The following ABR variants were observed in gnomAD, a reference collection of about 807,000 sequenced individuals.
ABR encodes active breakpoint cluster region-related protein.
In ABR, 35 loss-of-function variants were observed where a neutral mutation model predicts 107.2. The ratio of observed to expected loss-of-function variants is 0.33; its 90% confidence interval spans 0.25 to 0.43. The LOEUF (loss-of-function observed/expected upper bound fraction) is 0.43, where lower values mean the gene tolerates loss of function less well. ABR is among the 20% of genes least tolerant of loss of function. The pLI is 1.00. For missense variants in ABR, 815 were observed against 1,115.2 expected (o/e 0.73, Z 3.83); for synonymous variants, 498 against 462.0 (o/e 1.08, Z -1.00).
At position 1,157,876 on chromosome 17, in the gene ABR, C is replaced by T. The variant is rs991478288; in HGVS notation, c.61+21791G>A. The stretch of plus-strand genomic sequence containing the variant: ...CAGGTCAGCCTAGGAAGGGATCGTG[C>T]AGTTTGGTAGGTCACCTTCTAGAAT... On this transcript the variant is annotated intron_variant, in intron 1 of 22. Coordinates refer to ENST00000302538, the MANE Select transcript of ABR (RefSeq NM_021962.5). This position sits in a 1 kb window ranked among gnomAD's most constrained non-coding sequence, Gnocchi z 4.7. Among the ~76,000 whole-genome samples, 3 of 152,212 alleles carry T rather than the reference C, an allele frequency of 2.0e-5. No homozygotes were observed. The highest frequency in any genetic ancestry group is 4.4e-5 in the Non-Finnish European group (3 of 68,036).
chr17:1,042,276 C>T (rs79166542), intron 16 of ABR, among the ~76,000 whole-genome samples: 9 of 150,484 alleles, frequency 6.0e-5, no homozygotes, highest in Admixed American at 1.3e-4. Context: ...AGACGTGGCA[C>T]CTACATCCGC....
At chr17:1,151,971 G>A (rs553443224) in intron 1 of ABR, among the ~76,000 whole-genome samples, 2 of 149,604 alleles carry the variant, frequency 1.3e-5, no homozygotes, top group South Asian at 2.1e-4. Context: ...TGGCTAACAC[G>A]GGGAAACCCC....
intron 2 of ABR, among the ~76,000 whole-genome samples, chr17:1,101,503 G>A (rs1431553386): frequency 6.6e-6 from 1 of 152,116 alleles, no homozygotes; most frequent in Non-Finnish European, 1.5e-5. Flanking sequence ...ACACACCAGA[G>A]CTGGATTCAA....
At position 1,200,857 on chromosome 17, in the gene ABR, A is replaced by C. The variant is rs2042658533; in HGVS notation, c.838+27936T>G. 6.6e-6 allele frequency among the ~76,000 whole-genome samples: 1 copy of C among 151,814 alleles called. No homozygotes were observed. The highest frequency in any genetic ancestry group is 2.4e-5 in the African/African-American group (1 of 41,332). ...TAACATCCCCAGTAAAAAGCTGAGA[A>C]TTGCTCCTGACAAGGTCCTGGGGCT... On this transcript the variant is annotated intron_variant, in intron 1 of 22. Transcript: ENST00000574139. This position sits in a 1 kb window ranked among gnomAD's most constrained non-coding sequence, Gnocchi z 4.1.
At chr17:1,096,770 C>T (rs1263183467) in intron 3 of ABR, among the ~76,000 whole-genome samples, 4 of 141,406 alleles carry the variant, frequency 2.8e-5, no homozygotes, top group African/African-American at 8.0e-5. Flanking sequence ...GAACCTGCCC[C>T]GGGTGGAGAG....
At position 1,109,676 on chromosome 17, in the gene ABR, T is replaced by C. The variant is rs536163105; in HGVS notation, c.247-8941A>G. Among the ~76,000 whole-genome samples the C allele has an allele frequency of 4.6e-5, 7 of 151,090 alleles. No individual in the cohort carries two copies. In the East Asian group the frequency reaches 6.0e-4, roughly 13 times the overall value. On this transcript the variant is annotated intron_variant, in intron 2 of 22. Coordinates refer to ENST00000302538, the MANE Select transcript of ABR (RefSeq NM_021962.5). ...GAGTCCCCATGCGCCGGAGCCCCCTTCCGGAGGGGAGGCCCCGGCCCGCCC... is the reference window on the plus strand; with the variant it reads ...GAGTCCCCATGCGCCGGAGCCCCCTCCCGGAGGGGAGGCCCCGGCCCGCCC...
At chr17:1,140,420 A>G (rs2040241697) in intron 1 of ABR, among the ~76,000 whole-genome samples, 1 of 151,970 alleles carries the variant, frequency 6.6e-6, no homozygotes, top group Admixed American at 6.6e-5. Context: ...GCAACCCTGA[A>G]CCAGGGAACT....
intron 10 of ABR, among the ~76,000 whole-genome samples, chr17:1,066,758 G>A (rs1028124546): frequency 8.6e-5 from 13 of 151,896 alleles, no homozygotes; most frequent in African/African-American, 3.1e-4. Context: ...CGAACTCCTG[G>A]CCTCAGGTGA....
At chr17:1,013,069 G>A (rs370499754) in intron 17 of ABR, 36 bp downstream of exon 17, 243 of 1,611,248 alleles carry the variant, frequency 1.5e-4, no homozygotes, top group East Asian at 7.1e-4. Context: ...TCCACCTCCC[G>A]GCTCACGCCA....
At chr17:1,105,978 C>T (rs1457575463) in intron 2 of ABR, among the ~76,000 whole-genome samples, 1 of 152,204 alleles carries the variant, frequency 6.6e-6, no homozygotes, top group Non-Finnish European at 1.5e-5. Flanking sequence ...TACAACGCCC[C>T]CGTCACAACC....
At chr17:1,195,569 C>T (rs111442567) in intron 1 of ABR, among the ~76,000 whole-genome samples, 4,865 of 149,808 alleles carry the variant, frequency 0.032, 252 homozygotes, top group African/African-American at 0.11. Flanking sequence ...CTGTGGGAGG[C>T]CGAGGCGGGT....
In ABR at chr17:1,073,587, C is replaced by T. The variant is rs538191320; in HGVS notation, c.753+38G>A. 4.6e-6 allele frequency: 7 copies of T among 1,507,674 alleles called. No homozygotes were observed. In the East Asian group the frequency reaches 9.4e-5, roughly 20 times the overall value. 93.4% of individuals were successfully genotyped at this position (1,507,674 alleles called of 1,614,324 possible). A position where few individuals can be genotyped will look rare whatever the true frequency, so the allele number is the denominator to read the frequency against. On this transcript the variant is annotated intron_variant, in intron 7 of 22. Transcript: ENST00000302538. ...CCAGGCTCAGTCTTCCACTGAACTC[C>T]TAAGCCCTCTCTGGCCATTCGGAGG...
chr17:1,083,840 T>TA, intron 4 of ABR: 1 of 546,286 alleles, frequency 1.8e-6, no homozygotes, highest in Non-Finnish European at 3.3e-6. Flanking sequence ...CCAATAAGGT[T>TA]AATGAGGGGG....
chr17:1,179,951 A>G lies in ABR; in HGVS notation c.-224T>C, dbSNP rs1184202021. On this transcript the variant is annotated 5_prime_UTR_variant, in exon 1 of 23. Coordinates refer to ENST00000302538, the MANE Select transcript of ABR (RefSeq NM_021962.5). The surrounding 1 kb of genome is among the most constrained non-coding windows in gnomAD (Gnocchi z 4.9). Reference sequence around the variant, plus strand: ...CCTCCCGGCCCCAGCGGCCGCGCCGAGCCCAGCTGCGGATCCCGGAACCGA... The same window carrying G: ...CCTCCCGGCCCCAGCGGCCGCGCCGGGCCCAGCTGCGGATCCCGGAACCGA... The G allele has an allele frequency of 5.2e-6, 1 of 192,900 alleles. No individual in the cohort carries two copies. The highest frequency in any genetic ancestry group is 9.9e-6 in the Non-Finnish European group (1 of 101,176). The allele number at this position is 192,900 out of a possible 1,614,324, so 11.9% of individuals were successfully genotyped here.
At chr17:1,066,250 T>C (rs1271441795) in intron 10 of ABR, among the ~76,000 whole-genome samples, 1 of 152,236 alleles carries the variant, frequency 6.6e-6, no homozygotes, top group Non-Finnish European at 1.5e-5. Context: ...TGCTATCAAC[T>C]TGCAGAAAAA....
intron 4 of ABR, among the ~76,000 whole-genome samples, chr17:1,090,006 G>C (rs1195930691): frequency 6.6e-6 from 1 of 152,182 alleles, no homozygotes; most frequent in Admixed American, 6.5e-5. Context: ...CTTGTGGTTT[G>C]GGGGAGTCAG....
chr17:1,100,126 TAAAAAAAA>T (rs59004026), intron 3 of ABR, among the ~76,000 whole-genome samples: 2 of 110,170 alleles, frequency 1.8e-5, no homozygotes, highest in African/African-American at 6.9e-5. Context: ...AGCTCCGTCT[TAAAAAAAA>T]AAAAAAAAAA....
intron 1 of ABR, among the ~76,000 whole-genome samples, chr17:1,140,108 G>A (rs2040230515): frequency 6.6e-6 from 1 of 152,222 alleles, no homozygotes; most frequent in Admixed American, 6.5e-5. Flanking sequence ...TGACTGTGGT[G>A]CATGAGATGA....
intron 1 of ABR, among the ~76,000 whole-genome samples, chr17:1,199,126 G>T (rs2042625590): frequency 6.6e-6 from 1 of 150,550 alleles, no homozygotes; most frequent in Non-Finnish European, 1.5e-5. Flanking sequence ...TTCCTCTGAG[G>T]GGGCCGGGGA....
Sources: gnomAD v4.1 joint callset for allele counts (sites outside exome capture counted in the v4.1 genomes callset) on GRCh38, gnomAD v4.1.1 for gene constraint, Gnocchi (gnomAD v3.1) non-coding constraint, MANE v1.5 for transcripts, NCBI Gene and HGNC (gene_info 2026-07-23, HGNC 2026-07-21) for gene names.